Variants in IGF2R observed in about 807,000 individuals in gnomAD.
The protein encoded by IGF2R is cation-independent mannose-6-phosphate receptor.
In IGF2R, 91 loss-of-function variants were observed where a neutral mutation model predicts 270.6. That is an observed-to-expected ratio of 0.34 (90% CI 0.28 to 0.40). IGF2R has a LOEUF of 0.40. Among genes scored for constraint, IGF2R ranks in the 10% least tolerant of loss-of-function variants. The pLI is 1.00. For synonymous variants in IGF2R, 1,316 were observed against 1,258.9 expected (o/e 1.05, Z -0.96); for missense variants, 2,805 against 3,188.3 (o/e 0.88, Z 2.90).
intron 35 of IGF2R, among the ~76,000 whole-genome samples, chr6:160,074,702 G>A (rs1008730620): frequency 2.6e-5 from 4 of 152,172 alleles, no homozygotes; most frequent in African/African-American, 9.7e-5. Flanking sequence ...ATTTCTGTCT[G>A]TATCATCTAT....
At chr6:160,082,605 C>T (rs1022223983) in intron 39 of IGF2R, among the ~76,000 whole-genome samples, 23 of 150,636 alleles carry the variant, frequency 1.5e-4, no homozygotes, top group Non-Finnish European at 2.8e-4. Context: ...CCACCGCGCC[C>T]AGCTATCTTA....
chr6:160,043,151 C>T lies in IGF2R; in HGVS notation c.1484C>T (p.Pro495Leu). The change falls in exon 12 of 48, where the codon CCA (proline) becomes CTA (leucine). Residue 495 changes from proline to leucine, a missense_variant. This residue lies in a region of IGF2R where 954 missense variants were observed against 981.1 expected (regional missense o/e 0.97). Transcript: ENST00000356956. Reference protein sequence around the residue: ...DLSALVRHAEPEQNWEAVDGS... With the variant: ...DLSALVRHAELEQNWEAVDGS... ...ATACACTTTTGTTTTGTTACAGAAC[C>T]AGAGCAGAATTGGGAAGCTGTGGAT... 3 of 1,613,860 alleles carry T rather than the reference C, an allele frequency of 1.9e-6. No individual in the cohort carries two copies. Among genetic ancestry groups the T allele is most frequent in the Non-Finnish European group, 2.5e-6 (3 of 1,179,890 alleles).
chr6:159,986,402 TTGTGTGTGTGTG>T (rs56105769), intron 1 of IGF2R, among the ~76,000 whole-genome samples: 2 of 131,926 alleles, frequency 1.5e-5, no homozygotes, highest in South Asian at 2.6e-4. Context: ...TGGCTAATTT[TTGTGTGTGTGTG>T]TGTGTGTGTG....
chr6:160,029,882 G>A (rs1777657260), intron 7 of IGF2R, among the ~76,000 whole-genome samples: 1 of 152,192 alleles, frequency 6.6e-6, no homozygotes, highest in Non-Finnish European at 1.5e-5. Context: ...CTTTTTTACA[G>A]CAATCCGGAG....
intron 45 of IGF2R, among the ~76,000 whole-genome samples, chr6:160,100,611 T>G (rs1156663073): frequency 6.6e-6 from 1 of 151,872 alleles, no homozygotes; most frequent in Non-Finnish European, 1.5e-5. Flanking sequence ...TTAATAGACA[T>G]GCGCAGAACA....
At position 160,063,490 on chromosome 6, in the gene IGF2R, T is replaced by C. The variant is rs766743203; in HGVS notation, c.3746T>C (p.Ile1249Thr). The C allele has an allele frequency of 6.2e-7, 1 of 1,613,840 alleles. No homozygotes were observed. Among genetic ancestry groups the C allele is most frequent in the Non-Finnish European group, 8.5e-7 (1 of 1,179,982 alleles). ...DLKPLGLNDT[I>T]VSAGEYTYYF... is the part of the protein sequence containing the mutation. ...AAGCCCCTGGGCCTCAACGACACCA[T>C]CGTGAGCGCTGGCGAATACACTTAT... The change falls in exon 27 of 48, where the codon ATC becomes ACC. Residue 1249 changes from isoleucine to threonine, a missense_variant. This residue lies in a region of IGF2R where 1,851 missense variants were observed against 2,207.2 expected (regional missense o/e 0.84). Coordinates refer to ENST00000356956, the MANE Select transcript of IGF2R (RefSeq NM_000876.4).
intron 2 of IGF2R, among the ~76,000 whole-genome samples, chr6:160,000,238 C>T (rs1415392003): frequency 2.0e-5 from 3 of 152,170 alleles, no homozygotes; most frequent in African/African-American, 7.2e-5. Context: ...ATTCACAGTT[C>T]TGAAGGCTGT....
intron 1 of IGF2R, among the ~76,000 whole-genome samples, chr6:159,977,807 GT>G (rs1389393676): frequency 1.3e-5 from 2 of 151,122 alleles, no homozygotes; most frequent in African/African-American, 4.9e-5. Flanking sequence ...TGCTAACCAT[GT>G]TTGTAGGCTA....
chr6:160,009,085 C>G lies in IGF2R; in HGVS notation c.365C>G (p.Thr122Arg), dbSNP rs892986926. 6.2e-7 allele frequency: 1 copy of G among 1,613,658 alleles called. No individual in the cohort carries two copies. ...ACAGTGAGCTGTGACCAGCAAGGCACAAATCACAGAGTCCAGAGCAGCATT... is the reference window on the plus strand; with the variant it reads ...ACAGTGAGCTGTGACCAGCAAGGCAGAAATCACAGAGTCCAGAGCAGCATT... ...NTTVSCDQQGTNHRVQSSIAF... is the reference protein window; with the variant it reads ...NTTVSCDQQGRNHRVQSSIAF... The change falls in exon 3 of 48, where the codon ACA (threonine) becomes AGA (arginine). Residue 122 changes from threonine (T) to arginine (R), a missense_variant. By Grantham distance (71) the Thr-to-Arg change is moderately conservative. Around this residue, in one of 2 missense-constraint regions of IGF2R, gnomAD observed 954 missense variants for 981.1 expected, o/e 0.97. Transcript: ENST00000356956.
rs17847634 is a variant in IGF2R at position 160,008,890 on chromosome 6, T to G, written c.290-120T>G. On this transcript the variant is annotated intron_variant, in intron 2 of 47. Transcript: ENST00000356956. ...TGGAAAATTCTGGGAAAGGACAGTT[T>G]TATAAATTTATAAGCTATCAGATAC... The G allele has an allele frequency of 4.1e-4, 416 of 1,026,626 alleles. 4 individuals carry two copies. The East Asian group carries it at 8.8e-3, about 22-fold the overall frequency. The allele number at this position is 1,026,626 out of a possible 1,614,324, so 63.6% of individuals were successfully genotyped here. A position where few individuals can be genotyped will look rare whatever the true frequency, so the allele number is the denominator to read the frequency against.
At chr6:160,048,232 C>T (rs892807940) in intron 17 of IGF2R, 143 bp from the exon 18 acceptor site, 30 of 778,750 alleles carry the variant, frequency 3.9e-5, no homozygotes, top group Non-Finnish European at 5.0e-5. Context: ...GTGCGTCATG[C>T]GCCCAGACAA....
Position 160,001,786 on chromosome 6 carries a change from C to T in IGF2R, c.290-7224C>T, listed in dbSNP as rs116027592. On this transcript the variant is annotated intron_variant, in intron 2 of 47. Coordinates refer to ENST00000356956, the MANE Select transcript of IGF2R (RefSeq NM_000876.4). ...ATATGTGAATCTTAGCAAATGTTAG[C>T]CATCATTTTCATAGGGCCTGTGAAC... Among the ~76,000 whole-genome samples the T allele has an allele frequency of 7.5e-3, 1,141 of 152,276 alleles. 19 individuals are homozygous for T. Among genetic ancestry groups the T allele is most frequent in the African/African-American group, 0.026 (1,083 of 41,560 alleles).
intron 33 of IGF2R, 61 bp from the exon 34 acceptor site, chr6:160,073,152 A>C (rs747071725): frequency 2.5e-6 from 4 of 1,587,484 alleles, no homozygotes; most frequent in Non-Finnish European, 3.4e-6. Context: ...GAAAGTTCTC[A>C]TCAGAAAATT....
Position 160,045,746 on chromosome 6 carries a change from T to A in IGF2R, c.1767T>A (p.Gly589=). Residue 589 remains glycine (G), a splice_region_variant and synonymous_variant, in exon 14 of 48, where the codon GGT becomes GGA. Transcript: ENST00000356956. ...CCCATCTCTTTTCCCCATTGACAGG[T>A]GATCTGGAAAGTGCACCAGTGTTGA... ...KTNITLVCKP[G]DLESAPVLRT... 6.2e-7 allele frequency: 1 copy of A among 1,614,104 alleles called. No individual in the cohort carries two copies. The highest frequency in any genetic ancestry group is 1.7e-5 in the Admixed American group (1 of 60,018).
chr6:160,001,065 A>G (rs1265288356), intron 2 of IGF2R, among the ~76,000 whole-genome samples: 1 of 152,044 alleles, frequency 6.6e-6, no homozygotes, highest in Non-Finnish European at 1.5e-5. Context: ...GCCCTGAAGC[A>G]GGGGTCCTCA....
intron 2 of IGF2R, among the ~76,000 whole-genome samples, chr6:159,991,639 T>A (rs1456811265): frequency 6.6e-6 from 1 of 152,182 alleles, no homozygotes; most frequent in Non-Finnish European, 1.5e-5. Flanking sequence ...ACACTTTTCT[T>A]AAACCCTGTT....
At chr6:160,060,430 C>A in intron 22 of IGF2R, 117 bp from the exon 23 acceptor site, 1 of 970,032 alleles carries the variant, frequency 1.0e-6, no homozygotes, top group Non-Finnish European at 1.6e-6. Flanking sequence ...ATTGCTCCCA[C>A]GAACGGCTGT....
At chr6:160,012,763 ATTTT>A (rs370417751) in intron 4 of IGF2R, among the ~76,000 whole-genome samples, 14,652 of 127,976 alleles carry the variant, frequency 0.11, 1,937 homozygotes, top group East Asian at 0.47. Flanking sequence ...ATATATATAT[ATTTT>A]TTTTTTTTTT....
intron 2 of IGF2R, among the ~76,000 whole-genome samples, chr6:160,000,442 C>A (rs1385958618): frequency 6.6e-6 from 1 of 152,082 alleles, no homozygotes; most frequent in Non-Finnish European, 1.5e-5. Flanking sequence ...GGAAACCAGC[C>A]CCGTGATCCA....
Sources: allele counts gnomAD v4.1 joint callset (sites outside exome capture counted in the v4.1 genomes callset), GRCh38; gene constraint gnomAD v4.1.1; regional missense constraint gnomAD v4.1.1; transcripts MANE v1.5; gene names NCBI Gene and HGNC (gene_info 2026-07-23, HGNC 2026-07-21).